ARSG: variants seen among roughly 807,000 people sequenced by gnomAD.
The protein encoded by ARSG is arylsulfatase G.
A neutral mutation model predicts 50.5 loss-of-function variants in ARSG; 37 were observed. That is an observed-to-expected ratio of 0.73 (90% CI 0.56 to 0.96). The LOEUF (loss-of-function observed/expected upper bound fraction) is 0.96, where lower values mean the gene tolerates loss of function less well. Ranked by LOEUF, ARSG falls within the 50% of genes least tolerant of loss-of-function variation. The pLI is 0.00. For synonymous variants in ARSG, 225 were observed against 254.6 expected (o/e 0.88, Z 1.11); for missense variants, 629 against 675.3 (o/e 0.93, Z 0.76).
At chr17:68,438,707 TC>T in the ARSG span, among the ~76,000 whole-genome samples, 1 of 152,220 alleles carries the variant, frequency 6.6e-6, no homozygotes, top group African/African-American at 2.4e-5. Flanking sequence ...TTCAAGCGAT[TC>T]TCCTGTCTCA....
chr17:68,309,719 C>T (rs1398976164), intron 2 of ARSG, among the ~76,000 whole-genome samples: 5 of 151,684 alleles, frequency 3.3e-5, no homozygotes, highest in Admixed American at 1.3e-4. Flanking sequence ...TGTAGCCGGG[C>T]GCAGTGGCAG....
At chr17:68,375,028 T>G (rs773205957) in intron 8 of ARSG, among the ~76,000 whole-genome samples, 1 of 152,212 alleles carries the variant, frequency 6.6e-6, no homozygotes, top group Admixed American at 6.5e-5. Flanking sequence ...TGCTTAGTGC[T>G]GGTGCCACAA....
chr17:68,439,477 T>G, the ARSG span, among the ~76,000 whole-genome samples: 3 of 152,060 alleles, frequency 2.0e-5, no homozygotes, highest in Non-Finnish European at 4.4e-5. Context: ...TGCCTATGGC[T>G]GGGGGCATAG....
At chr17:68,340,506 G>A (rs542676744) in intron 2 of ARSG, among the ~76,000 whole-genome samples, 21 of 152,024 alleles carry the variant, frequency 1.4e-4, no homozygotes, top group Admixed American at 1.3e-4. Flanking sequence ...GGCTGGTCTC[G>A]AACTCCTGGC....
intron 1 of ARSG, chr17:68,273,847 G>T: frequency 1.4e-6 from 2 of 1,476,374 alleles, no homozygotes; most frequent in Non-Finnish European, 1.9e-6. Context: ...AATATAGTTT[G>T]GCTTTAATTT....
chr17:68,322,740 G>C (rs1439668408), intron 2 of ARSG, among the ~76,000 whole-genome samples: 2 of 152,218 alleles, frequency 1.3e-5, no homozygotes, highest in Non-Finnish European at 2.9e-5. Context: ...GGCAAGCAGG[G>C]ATAACATTCA....
At chr17:68,426,503 G>A (rs1443920199), downstream of ARSG, among the ~76,000 whole-genome samples, 2 of 152,112 alleles carry the variant, frequency 1.3e-5, no homozygotes, top group Non-Finnish European at 1.5e-5. Flanking sequence ...TTCCTGAGTG[G>A]CTAGGACTAC....
chr17:68,295,302 A>G (rs1473428209), intron 1 of ARSG, among the ~76,000 whole-genome samples: 2 of 152,054 alleles, frequency 1.3e-5, no homozygotes, highest in African/African-American at 4.8e-5. Context: ...GCGGCCGATG[A>G]TTGATTTCTG....
chr17:68,327,146 T>G lies in ARSG; in HGVS notation c.219-16458T>G, dbSNP rs566775309. On this transcript the variant is annotated intron_variant, in intron 2 of 11. Coordinates refer to ENST00000621439, the MANE Select transcript of ARSG (RefSeq NM_001267727.2). ...GGGCAAGAAGAGGGTAATGCATTAT[T>G]TAGCAGAGATACAACAGAGTTAACA... 6.6e-5 allele frequency among the ~76,000 whole-genome samples: 10 copies of G among 152,116 alleles called. No homozygotes were observed. In the East Asian group the frequency reaches 1.9e-3, roughly 29 times the overall value.
chr17:68,333,673 T>TAAA (rs1555774878), intron 2 of ARSG, among the ~76,000 whole-genome samples: 2 of 133,460 alleles, frequency 1.5e-5, no homozygotes, highest in Non-Finnish European at 3.3e-5. Context: ...ATAATAATAA[T>TAAA]AAAAGAGTAA....
At chr17:68,427,380 A>G, downstream of ARSG, 2 of 731,186 alleles carry the variant, frequency 2.7e-6, no homozygotes, top group Non-Finnish European at 4.5e-6. Context: ...TTTTTGAGGC[A>G]GGGTCTTGCT....
intron 11 of ARSG, among the ~76,000 whole-genome samples, chr17:68,417,957 C>G (rs1383503717): frequency 2.6e-5 from 4 of 151,782 alleles, no homozygotes; most frequent in Admixed American, 2.6e-4. Flanking sequence ...GTCTCAAACT[C>G]CTGACCTCAT....
chr17:68,370,317 GTTTGTCTTTATAAGT>G (rs755876417), intron 7 of ARSG, 112 bp from the exon 8 acceptor site: 9 of 764,036 alleles, frequency 1.2e-5, no homozygotes, highest in African/African-American at 1.8e-5. Flanking sequence ...CTAGGCCCAT[GTTTGTCTTTATAAGT>G]CCTTTTTCTA....
At chr17:68,394,946 A>G in intron 9 of ARSG, 127 bp from the exon 10 acceptor site, 1 of 1,345,068 alleles carries the variant, frequency 7.4e-7, no homozygotes, top group Non-Finnish European at 1.0e-6. Flanking sequence ...CAGGTAGAGA[A>G]GTTAAGCCAG....
At chr17:68,410,129 A>G (rs112810330) in intron 11 of ARSG, among the ~76,000 whole-genome samples, 2 of 133,694 alleles carry the variant, frequency 1.5e-5, no homozygotes, top group East Asian at 2.1e-4. Flanking sequence ...TCTCCTGCCT[A>G]ATTGCCCTGG....
chr17:68,436,437 G>A, the ARSG span: 15 of 1,613,902 alleles, frequency 9.3e-6, no homozygotes, highest in Admixed American at 1.7e-4. Flanking sequence ...TCCAGGATAG[G>A]CCAGGTAAGA....
chr17:68,280,706 C>T (rs1309448547), intron 1 of ARSG, among the ~76,000 whole-genome samples: 1 of 152,188 alleles, frequency 6.6e-6, no homozygotes, highest in African/African-American at 2.4e-5. Context: ...ATAGGGGAAA[C>T]ACTTTAGGAC....
chr17:68,292,585 G>A (rs1485672265), intron 1 of ARSG, among the ~76,000 whole-genome samples: 1 of 152,202 alleles, frequency 6.6e-6, no homozygotes, highest in East Asian at 1.9e-4. Context: ...CTTCATTGGG[G>A]TTCGGAGAAT....
chr17:68,406,659 G>C (rs577000583), intron 11 of ARSG, among the ~76,000 whole-genome samples: 4 of 152,160 alleles, frequency 2.6e-5, no homozygotes, highest in Admixed American at 6.5e-5. Context: ...TTTCATGTTT[G>C]TTGGCCATTT....
Sources: gnomAD v4.1 joint callset for allele counts (sites outside exome capture counted in the v4.1 genomes callset) on GRCh38, gnomAD v4.1.1 for gene constraint, MANE v1.5 for transcripts, NCBI Gene and HGNC (gene_info 2026-07-23, HGNC 2026-07-21) for gene names.